The following PLD5 variants were observed in gnomAD, a reference collection of about 807,000 sequenced individuals.
PLD5 encodes the protein inactive phospholipase D5.
PLD5 carries 36 observed loss-of-function variants against 61.1 expected under a neutral mutation model. The ratio of observed to expected loss-of-function variants is 0.59; its 90% CI spans 0.45 to 0.78. The LOEUF is 0.78. PLD5 is among the 30% of genes least tolerant of loss of function. The pLI, the probability that PLD5 is intolerant of heterozygous loss-of-function variation, is 0.00. For missense variants in PLD5, 515 were observed against 644.4 expected, an observed-to-expected ratio of 0.80 and a Z score of 2.17; for synonymous variants, 243 against 242.8, an observed-to-expected ratio of 1.00 and a Z score of -0.01.
At chr1:242,308,040 T>C (rs1296104069) in intron 2 of PLD5, among the ~76,000 whole-genome samples, 1 of 152,214 alleles carries the variant, frequency 6.6e-6, no homozygotes, top group African/African-American at 2.4e-5. Flanking sequence ...AAAATGAACA[T>C]CCAAGTGTTT....
At chr1:242,179,893 ACT>A (rs1667407815) in intron 5 of PLD5, among the ~76,000 whole-genome samples, 2 of 148,346 alleles carry the variant, frequency 1.3e-5, no homozygotes, top group Admixed American at 6.8e-5. Flanking sequence ...ACAGAGTGAG[ACT>A]CTGTCTCAAA....
At chr1:242,144,477 T>C (rs533916782) in intron 5 of PLD5, among the ~76,000 whole-genome samples, 11 of 152,212 alleles carry the variant, frequency 7.2e-5, no homozygotes, top group Non-Finnish European at 1.5e-4. Context: ...TGAATGGGTA[T>C]GTGGGGATAG....
chr1:242,300,500 T>C (rs374021080), intron 2 of PLD5, among the ~76,000 whole-genome samples: 1 of 149,700 alleles, frequency 6.7e-6, no homozygotes, highest in Non-Finnish European at 1.5e-5. Context: ...AAGGCAGAAA[T>C]GAGGTTGGAG....
intron 1 of PLD5, among the ~76,000 whole-genome samples, chr1:242,352,789 T>A (rs184987599): frequency 6.6e-6 from 1 of 152,354 alleles, no homozygotes; most frequent in Admixed American, 6.5e-5. Flanking sequence ...ATCTCCCTAA[T>A]GGTTAGTGAT....
At position 242,453,003 on chromosome 1, in the gene PLD5, C is replaced by T. The variant is rs973746030; in HGVS notation, c.189+71085G>A. 6.6e-5 allele frequency among the ~76,000 whole-genome samples: 10 copies of T among 152,246 alleles called. No homozygotes were observed. In the East Asian group the frequency reaches 1.9e-3, roughly 29 times the overall value. On this transcript the variant is annotated intron_variant, in intron 1 of 9. Coordinates refer to ENST00000536534, the MANE Select transcript of PLD5 (RefSeq NM_001372062.1). The stretch of plus-strand genomic sequence containing the variant: ...ACATGGAAAGGTGAAAGGAAAAAGA[C>T]AAAGGAAAAAGAAATCCCTTTACAA...
chr1:242,407,938 C>G (rs1016818103), intron 1 of PLD5, among the ~76,000 whole-genome samples: 1 of 152,190 alleles, frequency 6.6e-6, no homozygotes, highest in Non-Finnish European at 1.5e-5. Context: ...TGCTTGCTTT[C>G]TTACTTAATA....
rs35709516 is a variant in PLD5, at chr1:242,425,639, C to CTTT, written c.190-77400_190-77398dup. On this transcript the variant is annotated intron_variant, in intron 1 of 9. Coordinates refer to ENST00000536534, the MANE Select transcript of PLD5 (RefSeq NM_001372062.1). ...ATAAATTAACCTTAGCTTACTGTAA[C>CTTT]TTTTTTTTTTTTTTTTTTTTTGAGA... Among the ~76,000 whole-genome samples, 186 of 129,896 alleles carry CTTT rather than the reference C, an allele frequency of 1.4e-3. 6 individuals carry two copies. The highest frequency in any genetic ancestry group is 4.5e-3 in the African/African-American group (155 of 34,092). 85.2% of individuals were successfully genotyped at this position (129,896 alleles called of 152,430 possible). A position where few individuals can be genotyped will look rare whatever the true frequency, so the allele number is the denominator to read the frequency against.
intron 1 of PLD5, among the ~76,000 whole-genome samples, chr1:242,388,149 A>G (rs1662710110): frequency 6.6e-6 from 1 of 152,212 alleles, no homozygotes; most frequent in Admixed American, 6.5e-5. Flanking sequence ...CTCCTTCTTC[A>G]ATGAAGTATT....
chr1:242,478,582 G>C (rs1460799345), intron 1 of PLD5, among the ~76,000 whole-genome samples: 1 of 152,082 alleles, frequency 6.6e-6, no homozygotes, highest in African/African-American at 2.4e-5. Flanking sequence ...GTCTTGAAAA[G>C]GTTCAAGCTT....
intron 3 of PLD5, among the ~76,000 whole-genome samples, chr1:242,275,400 T>C (rs552315441): frequency 3.9e-5 from 6 of 152,308 alleles, no homozygotes; most frequent in African/African-American, 1.4e-4. Context: ...TATATCTTAC[T>C]GAATTTTTAG....
chr1:242,096,440 C>G (rs1392872667), intron 9 of PLD5, among the ~76,000 whole-genome samples: 2 of 152,104 alleles, frequency 1.3e-5, no homozygotes, highest in Admixed American at 6.5e-5. Flanking sequence ...CTCCTGGACT[C>G]AAGCGATTCC....
At position 242,350,378 on chromosome 1, in the gene PLD5, G is replaced by A. The variant is rs1306494820; in HGVS notation, c.190-2136C>T. On this transcript the variant is annotated intron_variant, in intron 1 of 9. Transcript: ENST00000536534. ...TTACAGAGGTGAAAGGGTCATCTTT[G>A]GTCAGGCAGCCAGGCATACATCACT... 2.0e-5 allele frequency among the ~76,000 whole-genome samples: 3 copies of A among 151,610 alleles called. No homozygotes were observed. The East Asian group carries it at 5.8e-4, about 29-fold the overall frequency.
At chr1:242,180,472 G>A (rs1009807109) in intron 5 of PLD5, among the ~76,000 whole-genome samples, 15 of 151,996 alleles carry the variant, frequency 9.9e-5, no homozygotes, top group Non-Finnish European at 1.9e-4. Context: ...TAATGATAGT[G>A]CCAAGCTATA....
intron 2 of PLD5, among the ~76,000 whole-genome samples, chr1:242,300,583 C>T (rs1182878572): frequency 1.3e-5 from 2 of 151,784 alleles, no homozygotes; most frequent in African/African-American, 2.4e-5. Context: ...GGGGGGACGG[C>T]AAAGGGGTTG....
At chr1:242,228,089 A>G (rs576293000) in intron 4 of PLD5, among the ~76,000 whole-genome samples, 1 of 152,370 alleles carries the variant, frequency 6.6e-6, no homozygotes, top group East Asian at 1.9e-4. Context: ...GAGGTTTAAC[A>G]ATGGCGTGTT....
At chr1:242,251,900 T>C (rs1672725331) in intron 4 of PLD5, among the ~76,000 whole-genome samples, 2 of 152,070 alleles carry the variant, frequency 1.3e-5, no homozygotes. Flanking sequence ...TGGAGATGCA[T>C]GTAGATATGG....
chr1:242,446,548 G>T (rs886850690), intron 1 of PLD5, among the ~76,000 whole-genome samples: 4 of 152,092 alleles, frequency 2.6e-5, no homozygotes, highest in African/African-American at 9.7e-5. Context: ...TTCAGCCTGG[G>T]TGGCCTGAGT....
intron 5 of PLD5, among the ~76,000 whole-genome samples, chr1:242,139,140 C>T (rs968006642): frequency 6.6e-6 from 1 of 152,128 alleles, no homozygotes; most frequent in African/African-American, 2.4e-5. Flanking sequence ...TGGACACTTT[C>T]AAAACTTGTC....
At chr1:242,373,880 A>C (rs1241817497) in intron 1 of PLD5, among the ~76,000 whole-genome samples, 24 of 152,112 alleles carry the variant, frequency 1.6e-4, no homozygotes, top group Admixed American at 1.6e-3. Context: ...TGACGAGTTA[A>C]TGTGTGCAGC....
Sources: gnomAD v4.1 joint callset for allele counts (sites outside exome capture counted in the v4.1 genomes callset) on GRCh38, gnomAD v4.1.1 for gene constraint, MANE v1.5 for transcripts, NCBI Gene and HGNC (gene_info 2026-07-23, HGNC 2026-07-21) for gene names.